The following RALGAPA1 variants were observed in gnomAD, a reference collection of about 807,000 sequenced individuals.
The protein encoded by RALGAPA1 is Ral GTPase activating protein catalytic subunit alpha 1, also known as ral GTPase-activating protein subunit alpha-1.
Under a neutral mutation model 269.6 loss-of-function variants are expected in RALGAPA1, and 52 were observed. That is an observed-to-expected ratio of 0.19 (90% CI 0.15 to 0.24). The LOEUF is 0.24. Among genes scored for constraint, RALGAPA1 ranks in the 10% least tolerant of loss-of-function variants. The probability of loss-of-function intolerance (pLI) is 1.00; values close to 1 mark genes in which losing one functional copy is unlikely to be tolerated. For synonymous variants in RALGAPA1, 817 were observed against 1,008.3 expected, an observed-to-expected ratio of 0.81 and a Z score of 3.60; for missense variants, 1,917 against 3,013.9, an observed-to-expected ratio of 0.64 and a Z score of 8.52.
chr14:35,788,527 G>A (rs1479064690), intron 1 of RALGAPA1, among the ~76,000 whole-genome samples: 1 of 152,148 alleles, frequency 6.6e-6, no homozygotes, highest in African/African-American at 2.4e-5. Context: ...GCTCATGCCT[G>A]TAATCCCAGT....
At position 35,680,947 on chromosome 14, in the gene RALGAPA1, T is replaced by TAA. The variant is rs1396380008; in HGVS notation, c.4472-2846_4472-2845insTT. On this transcript the variant is annotated intron_variant, in intron 21 of 41. Coordinates refer to ENST00000680220, the MANE Select transcript of RALGAPA1 (RefSeq NM_001346249.2). ...TTTTAAAAATCTATAATGGCTCACT[T>TAA]ACTTAAGAGGCTTTTTCCTCTTGAA... Among the ~76,000 whole-genome samples the TAA allele has an allele frequency of 2.6e-5, 4 of 152,302 alleles. No homozygotes were observed. The East Asian group carries it at 7.7e-4, about 29-fold the overall frequency.
intron 28 of RALGAPA1, 138 bp downstream of exon 28, chr14:35,659,000 T>C (rs1282154857): frequency 8.7e-6 from 4 of 459,662 alleles, no homozygotes; most frequent in Non-Finnish European, 1.5e-5. Context: ...GAATACTTAA[T>C]TATTCAAGTA....
chr14:35,551,770 T>C (rs1958256), intron 39 of RALGAPA1, among the ~76,000 whole-genome samples: 151,478 of 152,168 alleles, frequency 1, 75,396 homozygotes, highest in East Asian at 1. Flanking sequence ...ATGGAAAAAA[T>C]CCTAATACAC....
intron 21 of RALGAPA1, among the ~76,000 whole-genome samples, chr14:35,680,935 T>A (rs901853020): frequency 6.6e-6 from 1 of 152,172 alleles, no homozygotes; most frequent in South Asian, 2.1e-4. Flanking sequence ...TAAAAATCTA[T>A]AATGGCTCAC....
chr14:35,774,456 A>C (rs977804233), intron 3 of RALGAPA1, among the ~76,000 whole-genome samples: 17 of 152,266 alleles, frequency 1.1e-4, no homozygotes, highest in Admixed American at 9.2e-4. Context: ...TAAAAAAAAA[A>C]ACTAGCAGAG....
chr14:35,640,967 A>AT (rs1366045401), intron 31 of RALGAPA1, among the ~76,000 whole-genome samples: 2 of 152,194 alleles, frequency 1.3e-5, no homozygotes, highest in Non-Finnish European at 2.9e-5. Context: ...TCAACAAAAT[A>AT]AAGGACAAAA....
At chr14:35,578,282 T>C (rs1379464282) in intron 37 of RALGAPA1, among the ~76,000 whole-genome samples, 1 of 152,196 alleles carries the variant, frequency 6.6e-6, no homozygotes, top group Non-Finnish European at 1.5e-5. Flanking sequence ...CATGGATCTA[T>C]AATAGCTCTT....
intron 16 of RALGAPA1, among the ~76,000 whole-genome samples, chr14:35,718,750 G>A (rs917709241): frequency 1.3e-5 from 2 of 151,906 alleles, no homozygotes; most frequent in African/African-American, 4.8e-5. Flanking sequence ...TAGAAGTGGA[G>A]GTTGCAGTGA....
intron 39 of RALGAPA1, among the ~76,000 whole-genome samples, chr14:35,559,135 C>T (rs1389693095): frequency 6.6e-6 from 1 of 152,056 alleles, no homozygotes; most frequent in Non-Finnish European, 1.5e-5. Flanking sequence ...TAAATAGGCT[C>T]TATTCTAGTG....
At position 35,655,858 on chromosome 14, in the gene RALGAPA1, A is replaced by C; in HGVS notation, c.5445T>G (p.Ser1815=). The C allele has an allele frequency of 1.2e-6, 2 of 1,613,566 alleles. No homozygotes were observed. Residue 1815 remains serine, a synonymous_variant, in exon 29 of 42, where the codon TCT becomes TCG. Coordinates refer to ENST00000680220, the MANE Select transcript of RALGAPA1 (RefSeq NM_001346249.2). ...IWICEELVHE[S]HHPQIKEALN... ...GAGCTTCCTTAATTTGAGGATGATGAGACTCATGGACTAGTTCTTCACAAA... is the reference window on the plus strand; with the variant it reads ...GAGCTTCCTTAATTTGAGGATGATGCGACTCATGGACTAGTTCTTCACAAA...
At chr14:35,694,753 T>C (rs2066764339) in intron 17 of RALGAPA1, among the ~76,000 whole-genome samples, 1 of 152,206 alleles carries the variant, frequency 6.6e-6, no homozygotes, top group African/African-American at 2.4e-5. Flanking sequence ...TTAAGTTAGC[T>C]TCACATTTTT....
intron 41 of RALGAPA1, chr14:35,541,978 G>A: frequency 1.7e-6 from 2 of 1,206,148 alleles, no homozygotes; most frequent in African/African-American, 3.1e-5. Context: ...ATGCATTAGG[G>A]TGATGGTTCA....
intron 12 of RALGAPA1, among the ~76,000 whole-genome samples, chr14:35,732,914 C>T (rs2070640892): frequency 1.3e-5 from 2 of 152,310 alleles, no homozygotes; most frequent in South Asian, 2.1e-4. Flanking sequence ...CAGATATATA[C>T]AGAACATTTC....
chr14:35,684,056 G>C, intron 20 of RALGAPA1, 71 bp from the exon 21 acceptor site: 1 of 1,219,512 alleles, frequency 8.2e-7, no homozygotes, highest in Non-Finnish European at 1.2e-6. Context: ...AGCTAAATCA[G>C]CAAAATGATC....
In RALGAPA1 at chr14:35,752,108, A is replaced by G. The variant is rs980665712; in HGVS notation, c.718T>C (p.Leu240=). ...TAATATTTCTTAAAATGTGAAAACA[A>G]AAATGAAAATCCCCTTTCTTGGTTT... The part of the protein sequence containing the change: ...KENQERGFSF[L]FSHFKKYYLP... Residue 240 remains leucine, a synonymous_variant, in exon 8 of 42, where the codon TTG becomes CTG. Coordinates refer to ENST00000680220, the MANE Select transcript of RALGAPA1 (RefSeq NM_001346249.2). 4.0e-5 allele frequency: 63 copies of G among 1,585,242 alleles called. No individual in the cohort carries two copies. The highest frequency in any genetic ancestry group is 5.0e-5 in the Non-Finnish European group (58 of 1,169,914).
At chr14:35,805,664 A>G (rs2141974455) in intron 1 of RALGAPA1, among the ~76,000 whole-genome samples, 1 of 150,422 alleles carries the variant, frequency 6.6e-6, no homozygotes, top group Admixed American at 6.6e-5. Context: ...ATACATACAT[A>G]TATATATTTT....
intron 37 of RALGAPA1, among the ~76,000 whole-genome samples, chr14:35,594,592 G>A (rs2058821203): frequency 6.6e-6 from 1 of 151,814 alleles, no homozygotes; most frequent in Non-Finnish European, 1.5e-5. Context: ...AAACCACTAT[G>A]AGATATCACT....
intron 1 of RALGAPA1, among the ~76,000 whole-genome samples, chr14:35,776,250 G>A (rs368104321): frequency 2.0e-5 from 3 of 152,040 alleles, no homozygotes; most frequent in South Asian, 2.1e-4. Flanking sequence ...GTGTGGTGGC[G>A]TGCACCTGTA....
At chr14:35,624,412 T>A (rs911610704) in intron 35 of RALGAPA1, among the ~76,000 whole-genome samples, 2 of 152,100 alleles carry the variant, frequency 1.3e-5, no homozygotes, top group Non-Finnish European at 2.9e-5. Flanking sequence ...GAGATCTGGA[T>A]AGGACTATAG....
Sources: gnomAD v4.1 joint callset for allele counts (sites outside exome capture counted in the v4.1 genomes callset) on GRCh38, gnomAD v4.1.1 for gene constraint, MANE v1.5 for transcripts, NCBI Gene and HGNC (gene_info 2026-07-23, HGNC 2026-07-21) for gene names.